The following ERC1 variants were observed in gnomAD, a reference collection of about 807,000 sequenced individuals.
ERC1 encodes ELKS/RAB6-interacting/CAST family member 1, also known as RAB6 interacting protein 2.
In ERC1, 56 loss-of-function variants were observed where a neutral mutation model predicts 132.0. That is an observed-to-expected ratio of 0.42 (90% CI 0.34 to 0.53). The LOEUF is 0.53. ERC1 is among the 20% of genes least tolerant of loss of function. The probability of loss-of-function intolerance (pLI) is 0.03; values close to 1 mark genes in which losing one functional copy is unlikely to be tolerated. For missense variants in ERC1, 1,202 were observed against 1,349.9 expected, an observed-to-expected ratio of 0.89 and a Z score of 1.72; for synonymous variants, 478 against 476.1, an observed-to-expected ratio of 1.00 and a Z score of -0.05.
intron 18 of ERC1, among the ~76,000 whole-genome samples, chr12:1,447,443 G>A (rs757690131): frequency 1.3e-5 from 2 of 151,310 alleles, no homozygotes; most frequent in East Asian, 2.0e-4. Context: ...TTGATCCCGG[G>A]CAGTCGTGGC....
chr12:1,371,219 C>T (rs957631249), intron 15 of ERC1, among the ~76,000 whole-genome samples: 23 of 150,266 alleles, frequency 1.5e-4, no homozygotes, highest in African/African-American at 5.7e-4. Flanking sequence ...TGCCTTGCAA[C>T]CACCATTCTA....
At chr12:1,446,433 C>G (rs7298645) in intron 18 of ERC1, among the ~76,000 whole-genome samples, 4 of 152,134 alleles carry the variant, frequency 2.6e-5, no homozygotes, top group African/African-American at 7.2e-5. Flanking sequence ...TCCTTACCCC[C>G]TATAGATTCA....
chr12:1,193,447 C>T (rs1594111275), intron 12 of ERC1, among the ~76,000 whole-genome samples: 3 of 152,088 alleles, frequency 2.0e-5, no homozygotes, highest in African/African-American at 7.2e-5. Context: ...CACACACACA[C>T]ACACACACAT....
intron 14 of ERC1, among the ~76,000 whole-genome samples, chr12:1,272,353 A>G (rs1328686279): frequency 6.6e-6 from 1 of 152,228 alleles, no homozygotes; most frequent in Non-Finnish European, 1.5e-5. Context: ...TGTCGTATTT[A>G]TAGACCCTGT....
intron 17 of ERC1, among the ~76,000 whole-genome samples, chr12:1,418,676 T>C (rs1428942369): frequency 2.1e-5 from 2 of 95,866 alleles, no homozygotes; most frequent in African/African-American, 1.2e-4. Context: ...TTTTCTTTCT[T>C]TCTTTCTTTC....
chr12:1,241,224 A>G (rs2075767984), intron 13 of ERC1, among the ~76,000 whole-genome samples: 1 of 152,130 alleles, frequency 6.6e-6, no homozygotes, highest in Non-Finnish European at 1.5e-5. Flanking sequence ...TTTTACATAT[A>G]ATGGCGTCTT....
intron 16 of ERC1, among the ~76,000 whole-genome samples, chr12:1,402,615 A>ACACACACCCACACACACACAC (rs2091170549): frequency 1.4e-5 from 1 of 72,106 alleles, no homozygotes; most frequent in African/African-American, 1.1e-4. Flanking sequence ...GTAACCCCCA[A>ACACACACCCACACACACACAC]CACACACACA....
rs74868218 is a variant in ERC1, at chr12:1,217,054, A to G, written c.2352-19715A>G. Reference sequence around the variant, plus strand: ...AACAGAAATGGGTGCTTTGCTCCATAAAAGTGCTCCGTGCTTTCCTCTGTC... The same window carrying G: ...AACAGAAATGGGTGCTTTGCTCCATGAAAGTGCTCCGTGCTTTCCTCTGTC... On this transcript the variant is annotated intron_variant, in intron 12 of 18. Coordinates refer to ENST00000360905, the MANE Select transcript of ERC1 (RefSeq NM_178040.4). Among the ~76,000 whole-genome samples, 9 of 152,374 alleles carry G rather than the reference A, an allele frequency of 5.9e-5. No homozygotes were observed. The South Asian group carries it at 1.0e-3, about 18-fold the overall frequency.
intron 1 of ERC1, among the ~76,000 whole-genome samples, chr12:1,007,490 C>T (rs11064636): frequency 0.076 from 10,245 of 134,038 alleles, 485 homozygotes; most frequent in South Asian, 0.18. Context: ...CTCTCTCTCT[C>T]TCTTTCTCTC....
rs71055135 is a variant in ERC1, at chr12:1,126,986, C to CAAAAAAAAA, written c.1569+10972_1569+10980dup. Reference sequence around the variant, plus strand: ...CTGGCGACAGAGTGAGATTCTGTCTCAAAAAAAAAAAAAAAAAAAAAAAAA... The same window carrying CAAAAAAAAA: ...CTGGCGACAGAGTGAGATTCTGTCTCAAAAAAAAAAAAAAAAAAAAAAAAAAAAAAAAAA... On this transcript the variant is annotated intron_variant, in intron 7 of 18. Coordinates refer to ENST00000360905, the MANE Select transcript of ERC1 (RefSeq NM_178040.4). Among the ~76,000 whole-genome samples, 50 of 114,182 alleles carry CAAAAAAAAA rather than the reference C, an allele frequency of 4.4e-4. 3 individuals carry two copies. The highest frequency in any genetic ancestry group is 8.7e-4 in the East Asian group (4 of 4,576). The allele number at this position is 114,182 out of a possible 152,430, so 74.9% of individuals were successfully genotyped here.
chr12:1,480,529 C>T (rs1483343728), intron 18 of ERC1, among the ~76,000 whole-genome samples: 3 of 152,180 alleles, frequency 2.0e-5, no homozygotes, highest in African/African-American at 7.2e-5. Flanking sequence ...TGGATTACTC[C>T]TCCTTACATT....
intron 3 of ERC1, among the ~76,000 whole-genome samples, chr12:1,099,720 A>G (rs1027906562): frequency 1.2e-4 from 19 of 152,162 alleles, no homozygotes; most frequent in Admixed American, 3.3e-4. Context: ...CAATAAACAA[A>G]CAGTTATAAA....
intron 15 of ERC1, 65 bp downstream of exon 15, chr12:1,290,077 C>A: frequency 7.2e-7 from 1 of 1,392,194 alleles, no homozygotes; most frequent in Non-Finnish European, 1.0e-6. Flanking sequence ...TCCCTGCATT[C>A]ATCTTCTGGC....
chr12:1,317,252 C>T (rs575076782), intron 15 of ERC1, among the ~76,000 whole-genome samples: 35 of 151,744 alleles, frequency 2.3e-4, no homozygotes, highest in African/African-American at 7.7e-4. Context: ...ATGTCCTTTG[C>T]AGGGACATGG....
chr12:1,027,676 G>T (rs1022955222), intron 1 of ERC1, 72 bp from the exon 2 acceptor site: 3 of 527,920 alleles, frequency 5.7e-6, no homozygotes, highest in Non-Finnish European at 1.0e-5. Flanking sequence ...CTTTAAGTGG[G>T]GGTAATGGAA....
chr12:1,243,252 G>C (rs1411712149), intron 13 of ERC1, among the ~76,000 whole-genome samples: 4 of 150,658 alleles, frequency 2.7e-5, no homozygotes. Context: ...TATATGCGAA[G>C]ATGTGCATAG....
At position 1,387,831 on chromosome 12, in the gene ERC1, A is replaced by G. The variant is rs1222359429; in HGVS notation, c.2925+15854A>G. Among the ~76,000 whole-genome samples the G allele has an allele frequency of 2.6e-5, 4 of 152,230 alleles. No homozygotes were observed. In the East Asian group the frequency reaches 7.7e-4, roughly 29 times the overall value. On this transcript the variant is annotated intron_variant, in intron 16 of 18. Coordinates refer to ENST00000360905, the MANE Select transcript of ERC1 (RefSeq NM_178040.4). ...TGTGATCATTTCTTACGGCAGCTCC[A>G]GGAAACTAACACATGGAGTAGGTAA...
At chr12:1,237,049 A>G (rs548852547) in intron 13 of ERC1, 145 bp downstream of exon 13, 2 of 936,420 alleles carry the variant, frequency 2.1e-6, no homozygotes, top group South Asian at 1.9e-5. Flanking sequence ...CTGTTTAGCA[A>G]TGAAGGAATG....
intron 8 of ERC1, among the ~76,000 whole-genome samples, chr12:1,165,292 C>G (rs1341313316): frequency 6.6e-6 from 1 of 151,930 alleles, no homozygotes; most frequent in Non-Finnish European, 1.5e-5. Context: ...ATAGATGATA[C>G]ACAGAATGCA....
Sources: allele counts gnomAD v4.1 joint callset (sites outside exome capture counted in the v4.1 genomes callset), GRCh38; gene constraint gnomAD v4.1.1; transcripts MANE v1.5; gene names NCBI Gene and HGNC (gene_info 2026-07-23, HGNC 2026-07-21).